MTA3: variants seen among roughly 807,000 people sequenced by gnomAD.
The protein encoded by MTA3 is metastasis-associated protein MTA3.
In MTA3, 34 loss-of-function variants were observed where a neutral mutation model predicts 83.5. The observed-to-expected ratio is 0.41, with a 90% CI of 0.31 to 0.54. MTA3 has a LOEUF of 0.54. Ranked by LOEUF, MTA3 falls within the 20% of genes least tolerant of loss-of-function variation. The pLI, the probability that MTA3 is intolerant of heterozygous loss-of-function variation, is 0.33. For missense variants in MTA3, 761 were observed against 726.4 expected, an observed-to-expected ratio of 1.05 and a Z score of -0.55; for synonymous variants, 303 against 252.7, an observed-to-expected ratio of 1.20 and a Z score of -1.89.
At chr2:42,657,569 C>T (rs934602845) in intron 7 of MTA3, among the ~76,000 whole-genome samples, 1 of 152,102 alleles carries the variant, frequency 6.6e-6, no homozygotes, top group African/African-American at 2.4e-5. Flanking sequence ...CCCCTCAAAG[C>T]CAGCATGAAG....
intron 4 of MTA3, among the ~76,000 whole-genome samples, chr2:42,633,874 G>A (rs1269221161): frequency 1.3e-5 from 2 of 151,078 alleles, no homozygotes; most frequent in Non-Finnish European, 1.5e-5. Context: ...GGGCGACAGA[G>A]CGAGACTCTG....
intron 16 of MTA3, among the ~76,000 whole-genome samples, chr2:42,748,991 A>C (rs1316911865): frequency 6.6e-6 from 1 of 152,236 alleles, no homozygotes; most frequent in Non-Finnish European, 1.5e-5. Flanking sequence ...TTAACTTCAC[A>C]GAACTTGAAC....
intron 9 of MTA3, among the ~76,000 whole-genome samples, chr2:42,689,684 T>C (rs1692698516): frequency 6.6e-6 from 1 of 152,160 alleles, no homozygotes; most frequent in African/African-American, 2.4e-5. Flanking sequence ...AATAGGAGTT[T>C]AGAATTTTCT....
At chr2:42,615,107 G>A (rs1446429968) in intron 4 of MTA3, among the ~76,000 whole-genome samples, 1 of 151,792 alleles carries the variant, frequency 6.6e-6, no homozygotes, top group Non-Finnish European at 1.5e-5. Flanking sequence ...CCTGGCCAAC[G>A]TGGCGAAACC....
rs761384488 is a variant in MTA3, at chr2:42,640,158, TTTC to T, written c.318-12_318-10del. 2 of 1,588,222 alleles carry T rather than the reference TTTC, an allele frequency of 1.3e-6. No individual in the cohort carries two copies. The highest frequency in any genetic ancestry group is 8.6e-7 in the Non-Finnish European group (1 of 1,167,534). On this transcript the variant is annotated splice_polypyrimidine_tract_variant and intron_variant, in intron 4 of 16. Coordinates refer to ENST00000405094, the MANE Select transcript of MTA3 (RefSeq NM_001330442.2). ...TGGCCTTTGTTACATTTATTCTTTT[TTTC>T]TTTTTCAACAGGGGAAAGTGCAGTG...
intron 4 of MTA3, among the ~76,000 whole-genome samples, chr2:42,626,427 A>G (rs1686103179): frequency 6.6e-6 from 1 of 151,538 alleles, no homozygotes; most frequent in South Asian, 2.1e-4. Context: ...CCTCCAGGGT[A>G]GCTGGCATTA....
At chr2:42,663,176 C>G (rs561111141) in intron 8 of MTA3, among the ~76,000 whole-genome samples, 1 of 152,128 alleles carries the variant, frequency 6.6e-6, no homozygotes. Context: ...CAGATTATAA[C>G]TGGGGATGTG....
chr2:42,552,421 C>G (rs1677156186), intron 2 of MTA3, among the ~76,000 whole-genome samples: 1 of 152,126 alleles, frequency 6.6e-6, no homozygotes, highest in Non-Finnish European at 1.5e-5. Flanking sequence ...TGTCTTAAAA[C>G]TTTCTCTCAC....
intron 2 of MTA3, among the ~76,000 whole-genome samples, chr2:42,572,151 C>A (rs1678562654): frequency 6.7e-6 from 1 of 150,296 alleles, no homozygotes; most frequent in East Asian, 2.0e-4. Flanking sequence ...TGGTGGTGTG[C>A]ACCTGTAGTC....
intron 9 of MTA3, among the ~76,000 whole-genome samples, chr2:42,685,337 A>G (rs1692273913): frequency 6.6e-6 from 1 of 152,184 alleles, no homozygotes; most frequent in African/African-American, 2.4e-5. Flanking sequence ...GCTTATTGAA[A>G]CATTAAGTAC....
At chr2:42,554,457 A>C (rs1677283939) in intron 2 of MTA3, among the ~76,000 whole-genome samples, 1 of 152,182 alleles carries the variant, frequency 6.6e-6, no homozygotes, top group African/African-American at 2.4e-5. Context: ...GATAAAAGTT[A>C]ATTTGGAAAA....
Position 42,754,487 on chromosome 2 carries a change from C to T in MTA3, c.*1088C>T, listed in dbSNP as rs1670106383. 6.1e-6 allele frequency: 6 copies of T among 985,532 alleles called. No homozygotes were observed. The highest frequency in any genetic ancestry group is 7.2e-6 in the Non-Finnish European group (6 of 830,028). The allele number at this position is 985,532 out of a possible 1,614,324, so 61.0% of individuals were successfully genotyped here. A position where few individuals can be genotyped will look rare whatever the true frequency, so the allele number is the denominator to read the frequency against. ...TTTCCCACCTGCCCTCGGCACGAGC[C>T]CTTGGTGGCATCACAGTTGGCCACT... is the stretch of plus-strand genomic sequence containing the variant. On this transcript the variant is annotated 3_prime_UTR_variant, in exon 17 of 17. Transcript: ENST00000405094.
At chr2:42,584,599 A>G (rs1044856815) in intron 3 of MTA3, among the ~76,000 whole-genome samples, 5 of 152,036 alleles carry the variant, frequency 3.3e-5, no homozygotes, top group Non-Finnish European at 7.4e-5. Flanking sequence ...TGAATAAAAA[A>G]ATTACAGAAA....
intron 11 of MTA3, chr2:42,703,343 T>C (rs1454821299): frequency 6.6e-6 from 1 of 152,240 alleles, no homozygotes; most frequent in Non-Finnish European, 1.5e-5. Flanking sequence ...GTGGTCATCA[T>C]GAGTGGCCAG....
chr2:42,734,820 C>T (rs1213415383), intron 16 of MTA3, among the ~76,000 whole-genome samples: 1 of 152,100 alleles, frequency 6.6e-6, no homozygotes, highest in East Asian at 1.9e-4. Context: ...AACAGACAAA[C>T]AAATAGGCAA....
chr2:42,501,932 C>T (rs1674414271), intron 2 of MTA3, among the ~76,000 whole-genome samples: 1 of 152,018 alleles, frequency 6.6e-6, no homozygotes, highest in African/African-American at 2.4e-5. Flanking sequence ...GAGCCGAGAT[C>T]GTGCCACTGC....
intron 4 of MTA3, among the ~76,000 whole-genome samples, chr2:42,610,256 A>G (rs937477328): frequency 1.3e-5 from 2 of 152,234 alleles, no homozygotes; most frequent in African/African-American, 4.8e-5. Context: ...AGCCATTAGA[A>G]GCCAAAGGTT....
chr2:42,671,118 A>G (rs1430522436), intron 8 of MTA3, among the ~76,000 whole-genome samples: 1 of 152,120 alleles, frequency 6.6e-6, no homozygotes, highest in African/African-American at 2.4e-5. Context: ...TATTTTGAAG[A>G]GTGCAGGCCA....
intron 2 of MTA3, among the ~76,000 whole-genome samples, chr2:42,541,656 T>C (rs1156947702): frequency 6.6e-6 from 1 of 152,188 alleles, no homozygotes; most frequent in African/African-American, 2.4e-5. Flanking sequence ...TACCCAGTGG[T>C]AACCCCATCA....
Sources: allele counts gnomAD v4.1 joint callset (sites outside exome capture counted in the v4.1 genomes callset), GRCh38; gene constraint gnomAD v4.1.1; transcripts MANE v1.5; gene names NCBI Gene and HGNC (gene_info 2026-07-23, HGNC 2026-07-21).